Variants in MEF2C observed in about 807,000 individuals in gnomAD.
The protein encoded by MEF2C is myocyte enhancer factor 2C.
Under a neutral mutation model 50.5 loss-of-function variants are expected in MEF2C, and 6 were observed. That is an observed-to-expected ratio of 0.12 (90% CI 0.07 to 0.23). The LOEUF (loss-of-function observed/expected upper bound fraction) is 0.23, where lower values mean the gene tolerates loss of function less well. MEF2C is among the 10% of genes least tolerant of loss of function. The pLI is 1.00. For synonymous variants in MEF2C, 183 were observed against 228.0 expected (o/e 0.80, Z 1.78); for missense variants, 276 against 605.0 (o/e 0.46, Z 5.70).
At chr5:88,846,107 G>A (rs1581506410) in intron 1 of MEF2C, among the ~76,000 whole-genome samples, 1 of 130,408 alleles carries the variant, frequency 7.7e-6, no homozygotes, top group East Asian at 2.2e-4. Context: ...TAGCTCTGTT[G>A]CCCAGGCTGG....
intron 1 of MEF2C, among the ~76,000 whole-genome samples, chr5:88,836,755 A>G (rs1032873515): frequency 2.6e-5 from 4 of 152,202 alleles, no homozygotes; most frequent in African/African-American, 4.8e-5. Context: ...CTCGGCAGAT[A>G]ACACTAAACG....
chr5:88,762,066 T>C (rs1011876222), intron 3 of MEF2C, among the ~76,000 whole-genome samples: 1 of 152,082 alleles, frequency 6.6e-6, no homozygotes, highest in East Asian at 1.9e-4. Context: ...GGTAACCAAG[T>C]CAATAACTAC....
At chr5:88,804,826 T>A in intron 2 of MEF2C, 25 bp from the exon 3 acceptor site, 1 of 1,597,568 alleles carries the variant, frequency 6.3e-7, no homozygotes, top group Non-Finnish European at 8.6e-7. Context: ...GCAGCCAAGA[T>A]TTTTTAAAAA....
At chr5:88,744,182 T>C (rs1387524071) in intron 6 of MEF2C, 1 of 954,522 alleles carries the variant, frequency 1.0e-6, no homozygotes, top group African/African-American at 1.9e-5. Flanking sequence ...CTAATGGTTA[T>C]TTCCATTAAA....
chr5:88,788,203 T>TTTAA (rs1791970570), intron 3 of MEF2C, among the ~76,000 whole-genome samples: 2 of 147,780 alleles, frequency 1.4e-5, no homozygotes, highest in South Asian at 4.3e-4. Flanking sequence ...TATTTATTTA[T>TTTAA]TTATTTAGAG....
Position 88,749,053 on chromosome 5 carries a change from A to G in MEF2C, c.637+17T>C. 6.4e-7 allele frequency: 1 copy of G among 1,566,406 alleles called. No homozygotes were observed. Among genetic ancestry groups the G allele is most frequent in the Non-Finnish European group, 8.7e-7 (1 of 1,154,686 alleles). On this transcript the variant is annotated intron_variant, in intron 6 of 10. Transcript: ENST00000504921. ...TCAGAACAATGATACATACTGCAGT[A>G]TGGAGTCTGGGCTTACCTGCACTGG... is the stretch of plus-strand genomic sequence containing the variant.
rs1025077256 is a variant in MEF2C, at chr5:88,717,509, C to G, written c.*5095G>C. 6.6e-6 allele frequency: 1 copy of G among 152,190 alleles called. No homozygotes were observed. Among genetic ancestry groups the G allele is most frequent in the South Asian group, 2.1e-4 (1 of 4,828 alleles). The allele number at this position is 152,190 out of a possible 1,614,324, so 9.4% of individuals were successfully genotyped here. On this transcript the variant is annotated 3_prime_UTR_variant, in exon 11 of 11. Coordinates refer to ENST00000504921, the MANE Select transcript of MEF2C (RefSeq NM_002397.5). ...AGTTACATATAATAATTGCTTAATA[C>G]ATGTTTGCTGAAAATGAATACAAGA...
upstream of MEF2C, among the ~76,000 whole-genome samples, chr5:88,886,347 G>T (rs1834049012): frequency 6.6e-6 from 1 of 152,104 alleles, no homozygotes; most frequent in African/African-American, 2.4e-5. Flanking sequence ...AAATCATCCT[G>T]ATCCTTGCCA....
chr5:88,793,681 C>T (rs1039733834), intron 3 of MEF2C, among the ~76,000 whole-genome samples: 11 of 152,004 alleles, frequency 7.2e-5, no homozygotes, highest in East Asian at 1.9e-4. Context: ...TTCTGGGATA[C>T]GTGTGCAGAA....
At chr5:88,728,450 A>T in intron 10 of MEF2C, 43 bp downstream of exon 10, 1 of 1,319,954 alleles carries the variant, frequency 7.6e-7, no homozygotes, top group Non-Finnish European at 9.8e-7. Context: ...TTGTTTTTCA[A>T]AATACATTCT....
chr5:88,776,877 C>T (rs1785035299), intron 3 of MEF2C, among the ~76,000 whole-genome samples: 1 of 152,316 alleles, frequency 6.6e-6, no homozygotes, highest in Middle Eastern at 3.4e-3. Flanking sequence ...TGGCTCGGCA[C>T]CTGTTGTCTA....
At chr5:88,760,501 G>A (rs1218662184) in intron 4 of MEF2C, among the ~76,000 whole-genome samples, 1 of 152,218 alleles carries the variant, frequency 6.6e-6, no homozygotes, top group Admixed American at 6.5e-5. Flanking sequence ...TGAATTTCAT[G>A]TATAGGGAGA....
At chr5:88,750,134 T>C in intron 5 of MEF2C, 1 of 856,416 alleles carries the variant, frequency 1.2e-6, no homozygotes, top group Middle Eastern at 6.0e-4. Context: ...AGTGATACTC[T>C]GTAATTATTA....
At chr5:88,799,893 CACACACACACACACACACACAGAG>C (rs1475245066) in intron 3 of MEF2C, among the ~76,000 whole-genome samples, 1 of 92,808 alleles carries the variant, frequency 1.1e-5, no homozygotes, top group Non-Finnish European at 2.8e-5. Flanking sequence ...CACACACACA[CACACACACACACACACACACAGAG>C]AGAGAGACAC....
intron 1 of MEF2C, chr5:88,824,174 T>C (rs1809809962): frequency 2.1e-6 from 2 of 950,938 alleles, no homozygotes; most frequent in South Asian, 4.9e-5. Context: ...ATGCAAACTA[T>C]GCTTTTTTAA....
intron 1 of MEF2C, among the ~76,000 whole-genome samples, chr5:88,860,875 G>C (rs965647749): frequency 6.6e-6 from 1 of 152,038 alleles, no homozygotes; most frequent in Non-Finnish European, 1.5e-5. Context: ...AACAACTGTT[G>C]GCCTCTGGCT....
chr5:88,821,263 T>C (rs1562221910), intron 2 of MEF2C, among the ~76,000 whole-genome samples: 2 of 151,244 alleles, frequency 1.3e-5, no homozygotes, highest in Non-Finnish European at 2.9e-5. Flanking sequence ...AGATTCTTTG[T>C]TTGTTTGTTT....
intron 1 of MEF2C, among the ~76,000 whole-genome samples, chr5:88,869,911 T>A (rs1031610706): frequency 4.6e-5 from 7 of 151,302 alleles, no homozygotes; most frequent in Non-Finnish European, 1.0e-4. Context: ...GTTTAACTAC[T>A]TTGGGTTTAA....
intron 1 of MEF2C, chr5:88,888,823 G>A (rs1205787809): frequency 6.6e-6 from 1 of 151,418 alleles, no homozygotes; most frequent in Non-Finnish European, 1.5e-5. Context: ...TTGCTTGCAA[G>A]TGTGTGGCTG....
Sources: allele counts gnomAD v4.1 joint callset (sites outside exome capture counted in the v4.1 genomes callset), GRCh38; gene constraint gnomAD v4.1.1; transcripts MANE v1.5; gene names NCBI Gene and HGNC (gene_info 2026-07-23, HGNC 2026-07-21).